The following WDFY4 variants were observed in gnomAD, a reference collection of about 807,000 sequenced individuals.
WDFY4 encodes WD repeat- and FYVE domain-containing protein 4.
A neutral mutation model predicts 351.9 loss-of-function variants in WDFY4; 169 were observed. The observed-to-expected ratio is 0.48, with a 90% CI of 0.42 to 0.55. The LOEUF (loss-of-function observed/expected upper bound fraction) is 0.55. Ranked by LOEUF, WDFY4 falls within the 20% of genes least tolerant of loss-of-function variation. The pLI, the probability that WDFY4 is intolerant of heterozygous loss-of-function variation, is 0.00. For synonymous variants in WDFY4, 1,622 were observed against 1,574.6 expected (o/e 1.03, Z -0.71); for missense variants, 3,803 against 3,935.6 (o/e 0.97, Z 0.90).
intron 47 of WDFY4, among the ~76,000 whole-genome samples, chr10:48,933,514 C>G (rs776434228): frequency 6.6e-6 from 1 of 152,224 alleles, no homozygotes; most frequent in East Asian, 1.9e-4. Context: ...CCTGACTCAT[C>G]ATGTTCTGCA....
intron 23 of WDFY4, among the ~76,000 whole-genome samples, chr10:48,795,424 T>G (rs560049119): frequency 1.3e-5 from 2 of 150,288 alleles, no homozygotes; most frequent in African/African-American, 4.9e-5. Context: ...AGCCTGAATG[T>G]TTTCACATGC....
At chr10:48,768,924 C>T (rs12768835) in intron 13 of WDFY4, among the ~76,000 whole-genome samples, 55,430 of 151,956 alleles carry the variant, frequency 0.36, 10,700 homozygotes, top group Middle Eastern at 0.48. Context: ...TCAGGCATTA[C>T]TGGAAAAGGG....
intron 57 of WDFY4, among the ~76,000 whole-genome samples, chr10:48,972,940 A>C (rs945501495): frequency 6.6e-6 from 1 of 152,042 alleles, no homozygotes; most frequent in African/African-American, 2.4e-5. Flanking sequence ...CTGAGAAAAC[A>C]AAACCCCCTT....
At chr10:48,949,756 G>A (rs1364415833) in intron 51 of WDFY4, among the ~76,000 whole-genome samples, 1 of 152,158 alleles carries the variant, frequency 6.6e-6, no homozygotes, top group African/African-American at 2.4e-5. Flanking sequence ...GCTACCACCC[G>A]CCTATTACCA....
At chr10:48,852,391 G>C (rs1039315080) in intron 39 of WDFY4, among the ~76,000 whole-genome samples, 1 of 152,170 alleles carries the variant, frequency 6.6e-6, no homozygotes, top group Non-Finnish European at 1.5e-5. Context: ...AATTTTAAAT[G>C]TGCACATGCA....
intron 47 of WDFY4, among the ~76,000 whole-genome samples, chr10:48,902,348 C>T (rs182467969): frequency 5.9e-5 from 9 of 152,304 alleles, no homozygotes; most frequent in South Asian, 4.1e-4. Context: ...CAGTCCCCCC[C>T]GCCGCCGCCA....
At chr10:48,699,693 C>T (rs1165862976) in intron 1 of WDFY4, among the ~76,000 whole-genome samples, 1 of 152,236 alleles carries the variant, frequency 6.6e-6, no homozygotes, top group Non-Finnish European at 1.5e-5. Context: ...AAGCTCCCAA[C>T]AAGGCTAAAC....
intron 53 of WDFY4, among the ~76,000 whole-genome samples, chr10:48,962,015 G>T (rs1427115952): frequency 6.6e-6 from 1 of 152,198 alleles, no homozygotes; most frequent in African/African-American, 2.4e-5. Context: ...AGGAAAAGAG[G>T]TGGAGGAATG....
At chr10:48,842,758 A>C (rs769892578) in intron 39 of WDFY4, among the ~76,000 whole-genome samples, 2 of 152,196 alleles carry the variant, frequency 1.3e-5, no homozygotes, top group Non-Finnish European at 2.9e-5. Flanking sequence ...CCACACACTT[A>C]ATGAATTATC....
In WDFY4 at chr10:48,780,042, G is replaced by A; in HGVS notation, c.3499G>A (p.Val1167Met). The change falls in exon 19 of 62, where the codon GTG becomes ATG. Residue 1167 changes from valine to methionine, a missense_variant. Around this residue, in one of 3 missense-constraint regions of WDFY4, gnomAD observed 3,054 missense variants for 3,148.6 expected, o/e 0.97. Coordinates refer to ENST00000325239, the MANE Select transcript of WDFY4 (RefSeq NM_001394531.1). ...TTGTGGTCAGTGGCATCACTTGGCT[G>A]TGGTTGTCACTAAGGAAATGAAAAG... is the stretch of plus-strand genomic sequence containing the variant. ...LACGQWHHLA[V>M]VVTKEMKRHC... is the part of the protein sequence containing the mutation. The A allele has an allele frequency of 6.4e-7, 1 of 1,551,950 alleles. No individual in the cohort carries two copies. The highest frequency in any genetic ancestry group is 8.7e-7 in the Non-Finnish European group (1 of 1,147,056).
chr10:48,910,944 C>T (rs545717020), intron 47 of WDFY4: 1 of 982,160 alleles, frequency 1.0e-6, no homozygotes, highest in African/African-American at 1.7e-5. Flanking sequence ...TTTTGAATAC[C>T]TAAGGAGGGA....
chr10:48,710,376 C>T (rs1234608705), intron 2 of WDFY4, among the ~76,000 whole-genome samples: 2 of 152,128 alleles, frequency 1.3e-5, no homozygotes, highest in East Asian at 3.9e-4. Context: ...CCTCCTGACA[C>T]CATTACCTTA....
At chr10:48,970,073 C>T (rs1484316736) in intron 56 of WDFY4, 58 bp from the exon 57 acceptor site, 3 of 1,530,328 alleles carry the variant, frequency 2.0e-6, no homozygotes, top group Non-Finnish European at 2.6e-6. Flanking sequence ...GTGACTCTAT[C>T]CTGGGCTCCT....
At chr10:48,726,133 C>T in intron 6 of WDFY4, 63 bp downstream of exon 6, 1 of 1,491,000 alleles carries the variant, frequency 6.7e-7, no homozygotes, top group Non-Finnish European at 9.0e-7. Flanking sequence ...GAACTCAGAG[C>T]AAAGGCTGAG....
intron 13 of WDFY4, among the ~76,000 whole-genome samples, chr10:48,764,135 G>A (rs2065596136): frequency 6.6e-6 from 1 of 152,194 alleles, no homozygotes; most frequent in African/African-American, 2.4e-5. Context: ...TCTCCTCTAT[G>A]GATGAGAAAC....
At chr10:48,796,035 A>T (rs1314223067) in intron 23 of WDFY4, among the ~76,000 whole-genome samples, 1 of 152,050 alleles carries the variant, frequency 6.6e-6, no homozygotes, top group Non-Finnish European at 1.5e-5. Context: ...AGGCTTGAGG[A>T]GTGTGGGAGG....
chr10:48,891,561 C>T (rs1455447416), intron 44 of WDFY4, among the ~76,000 whole-genome samples: 1 of 152,206 alleles, frequency 6.6e-6, no homozygotes, highest in Non-Finnish European at 1.5e-5. Flanking sequence ...TCCAGTTGAC[C>T]CAGGTTCAGA....
At chr10:48,784,877 G>T (rs1328299345) in intron 19 of WDFY4, among the ~76,000 whole-genome samples, 1 of 118,370 alleles carries the variant, frequency 8.4e-6, no homozygotes, top group Non-Finnish European at 1.7e-5. Context: ...TTTTTGAGAC[G>T]GAGTAGTCTC....
At chr10:48,938,384 G>T (rs2133737472) in intron 47 of WDFY4, among the ~76,000 whole-genome samples, 1 of 152,372 alleles carries the variant, frequency 6.6e-6, no homozygotes, top group Admixed American at 6.5e-5. Flanking sequence ...GGCTGAGAGG[G>T]TGCAGCCTTT....
Sources: gnomAD v4.1 joint callset for allele counts (sites outside exome capture counted in the v4.1 genomes callset) on GRCh38, gnomAD v4.1.1 for gene constraint, gnomAD v4.1.1 regional missense constraint, MANE v1.5 for transcripts, NCBI Gene and HGNC (gene_info 2026-07-23, HGNC 2026-07-21) for gene names.